The following COL23A1 variants were observed in gnomAD, a reference collection of about 807,000 sequenced individuals.
COL23A1 encodes the protein collagen alpha-1(XXIII) chain.
Under a neutral mutation model 99.3 loss-of-function variants are expected in COL23A1, and 97 were observed. The observed-to-expected ratio is 0.98, with a 90% CI of 0.83 to 1.16. COL23A1 has a LOEUF of 1.16. COL23A1 is among the 50% of genes most tolerant of loss of function. The pLI, the probability that COL23A1 is intolerant of heterozygous loss-of-function variation, is 0.00. For missense variants in COL23A1, 762 were observed against 757.4 expected (o/e 1.01, Z -0.07); for synonymous variants, 320 against 308.2 (o/e 1.04, Z -0.40).
intron 2 of COL23A1, among the ~76,000 whole-genome samples, chr5:178,547,550 CCCCCATACACA>C (rs1761674387): frequency 1.8e-5 from 2 of 108,200 alleles, no homozygotes; most frequent in Admixed American, 9.8e-5. Flanking sequence ...CACCCACACA[CCCCCATACACA>C]CCCCCACACA....
intron 25 of COL23A1, among the ~76,000 whole-genome samples, chr5:178,245,303 TC>T (rs1047739665): frequency 7.8e-4 from 49 of 62,892 alleles, no homozygotes; most frequent in African/African-American, 2.6e-3. Flanking sequence ...GCCATCATCA[TC>T]CATCCATCCA....
chr5:178,290,302 CAG>C, intron 4 of COL23A1, 58 bp downstream of exon 4: 2 of 1,612,518 alleles, frequency 1.2e-6, no homozygotes, highest in Non-Finnish European at 1.7e-6. Context: ...GGAATTGCAA[CAG>C]AGAGAGAACC....
intron 1 of COL23A1, among the ~76,000 whole-genome samples, chr5:178,585,464 A>ACGC (rs1562114638): frequency 1.3e-4 from 14 of 105,952 alleles, no homozygotes; most frequent in African/African-American, 4.3e-4. Context: ...TCCCTGGTTG[A>ACGC]TGCTGGGGGT....
intron 2 of COL23A1, among the ~76,000 whole-genome samples, chr5:178,506,320 C>A (rs1758868297): frequency 6.6e-6 from 1 of 152,232 alleles, no homozygotes; most frequent in Non-Finnish European, 1.5e-5. Context: ...GGGTGCCCCA[C>A]ACCACTGCAG....
intron 25 of COL23A1, among the ~76,000 whole-genome samples, chr5:178,245,043 CATCT>C (rs1326083730): frequency 1.4e-5 from 2 of 146,734 alleles, no homozygotes; most frequent in African/African-American, 2.6e-5. Flanking sequence ...ATCCACTCAT[CATCT>C]ATCATCCATC....
intron 2 of COL23A1, among the ~76,000 whole-genome samples, chr5:178,375,804 T>C (rs2973722): frequency 0.16 from 24,544 of 152,146 alleles, 1,978 homozygotes; most frequent in South Asian, 0.24. Flanking sequence ...GCCTCCCAGG[T>C]TCAAGTGATT....
intron 2 of COL23A1, among the ~76,000 whole-genome samples, chr5:178,548,553 CTTTTT>C (rs3065159): frequency 5.6e-5 from 7 of 124,568 alleles, no homozygotes; most frequent in Admixed American, 1.6e-4. Flanking sequence ...TTTGCCTATT[CTTTTT>C]TTTTTTTTTT....
intron 1 of COL23A1, among the ~76,000 whole-genome samples, chr5:178,576,698 C>T (rs1470957808): frequency 5.9e-5 from 9 of 152,084 alleles, no homozygotes; most frequent in Admixed American, 1.3e-4. Flanking sequence ...CTCCTCCCCA[C>T]GGCCGCGGTC....
At chr5:178,369,114 A>G (rs1762658348) in intron 2 of COL23A1, among the ~76,000 whole-genome samples, 1 of 152,186 alleles carries the variant, frequency 6.6e-6, no homozygotes, top group Non-Finnish European at 1.5e-5. Flanking sequence ...GGCCGAAGCT[A>G]TTCAGTGCGG....
At chr5:178,406,674 C>T (rs1004678361) in intron 2 of COL23A1, among the ~76,000 whole-genome samples, 8 of 151,944 alleles carry the variant, frequency 5.3e-5, no homozygotes, top group Non-Finnish European at 1.0e-4. Flanking sequence ...GTGATCTGCC[C>T]GCCTCAGCCT....
chr5:178,332,980 C>T (rs914198609), intron 2 of COL23A1, among the ~76,000 whole-genome samples: 3 of 151,940 alleles, frequency 2.0e-5, no homozygotes, highest in Admixed American at 6.5e-5. Context: ...GTTTTTGAGA[C>T]GGAGTCTCAC....
intron 2 of COL23A1, among the ~76,000 whole-genome samples, chr5:178,558,093 G>C (rs1762376937): frequency 6.8e-6 from 1 of 147,306 alleles, no homozygotes; most frequent in African/African-American, 2.5e-5. Flanking sequence ...CTCTCGGTGG[G>C]ACTAGAGGCT....
intron 2 of COL23A1, among the ~76,000 whole-genome samples, chr5:178,441,438 G>A (rs759816541): frequency 2.0e-5 from 3 of 152,074 alleles, no homozygotes; most frequent in Non-Finnish European, 2.9e-5. Context: ...ATCAAAGTGT[G>A]GGACCCTGTT....
chr5:178,518,997 A>G (rs1324429385), intron 2 of COL23A1, among the ~76,000 whole-genome samples: 1 of 149,630 alleles, frequency 6.7e-6, no homozygotes, highest in East Asian at 2.0e-4. Context: ...CGCGGGCGTC[A>G]GCGCCGCGAC....
chr5:178,314,244 C>T (rs968576817), intron 2 of COL23A1, among the ~76,000 whole-genome samples: 9 of 152,124 alleles, frequency 5.9e-5, no homozygotes, highest in African/African-American at 2.2e-4. Context: ...CCAGAGTCAT[C>T]TTCCACCATC....
At chr5:178,249,053 G>T (rs375792028) in intron 19 of COL23A1, 64 bp downstream of exon 19, 9 of 1,530,762 alleles carry the variant, frequency 5.9e-6, no homozygotes, top group South Asian at 1.1e-5. Context: ...AGCACGGGGG[G>T]CACACAGTCA....
chr5:178,465,091 G>T (rs968885244), intron 2 of COL23A1, among the ~76,000 whole-genome samples: 2 of 152,204 alleles, frequency 1.3e-5, no homozygotes, highest in African/African-American at 4.8e-5. Context: ...GCCCAGCCAG[G>T]TGGGGCCAGG....
chr5:178,253,356 C>T (rs1351194411), intron 16 of COL23A1, among the ~76,000 whole-genome samples: 3 of 151,342 alleles, frequency 2.0e-5, no homozygotes, highest in Non-Finnish European at 2.9e-5. Flanking sequence ...ATCTTATCTA[C>T]CCTCCCCCAG....
chr5:178,473,761 C>T (rs1756887645), intron 2 of COL23A1, among the ~76,000 whole-genome samples: 1 of 152,122 alleles, frequency 6.6e-6, no homozygotes, highest in African/African-American at 2.4e-5. Flanking sequence ...ACTCCCAAAA[C>T]CTCACTGAGT....
Sources: allele counts gnomAD v4.1 joint callset (sites outside exome capture counted in the v4.1 genomes callset), GRCh38; gene constraint gnomAD v4.1.1; transcripts MANE v1.5; gene names NCBI Gene and HGNC (gene_info 2026-07-23, HGNC 2026-07-21).